RUNX1: variants seen among roughly 807,000 people sequenced by gnomAD.
The protein encoded by RUNX1 is RUNX family transcription factor 1, also known as runt-related transcription factor 1.
RUNX1 carries 19 observed loss-of-function variants against 42.8 expected under a neutral mutation model. That is an observed-to-expected ratio of 0.44 (90% CI 0.31 to 0.65). The LOEUF is 0.65. Among genes scored for constraint, RUNX1 ranks in the 30% least tolerant of loss-of-function variants. The pLI, the probability that RUNX1 is intolerant of heterozygous loss-of-function variation, is 0.07. For missense variants in RUNX1, 528 were observed against 672.0 expected (o/e 0.79, Z 2.37); for synonymous variants, 271 against 289.4 (o/e 0.94, Z 0.64).
intron 2 of RUNX1, among the ~76,000 whole-genome samples, chr21:34,900,948 G>A (rs2058172567): frequency 6.6e-6 from 1 of 152,094 alleles, no homozygotes; most frequent in South Asian, 2.1e-4. Context: ...GGTTTATTTT[G>A]AAATATAGCA....
Position 34,855,620 on chromosome 21 carries a change from G to A in RUNX1, c.613+3854C>T, listed in dbSNP as rs139584363. On this transcript the variant is annotated intron_variant, in intron 6 of 8. Transcript: ENST00000675419. ...CTCCAGAGGCTGAGGCGGGAGAATC[G>A]CTTGAACCTGGGAGTGGGGCAGAGG... is the stretch of plus-strand genomic sequence containing the variant. Among the ~76,000 whole-genome samples, 1,135 of 152,254 alleles carry A rather than the reference G, an allele frequency of 7.5e-3. 14 individuals carry two copies. Among genetic ancestry groups the A allele is most frequent in the African/African-American group, 0.026 (1,068 of 41,554 alleles).
chr21:34,890,745 AC>A (rs1786037203), intron 3 of RUNX1, among the ~76,000 whole-genome samples: 1 of 59,186 alleles, frequency 1.7e-5, no homozygotes, highest in Non-Finnish European at 3.2e-5. Context: ...CCCCGCCCAA[AC>A]GTCCACTTTC....
intron 2 of RUNX1, among the ~76,000 whole-genome samples, chr21:34,926,321 C>A (rs995261831): frequency 6.6e-6 from 1 of 151,230 alleles, no homozygotes; most frequent in Non-Finnish European, 1.5e-5. Context: ...CAAAAAAATA[C>A]AAAAATTAGC....
At position 34,889,846 on chromosome 21, in the gene RUNX1, C is replaced by T; in HGVS notation, c.98-2750G>A. 3.7e-6 allele frequency: 4 copies of T among 1,094,820 alleles called. No individual in the cohort carries two copies. The South Asian group carries it at 1.3e-4, about 36-fold the overall frequency. 67.8% of individuals were successfully genotyped at this position (1,094,820 alleles called of 1,614,324 possible). A position where few individuals can be genotyped will look rare whatever the true frequency, so the allele number is the denominator to read the frequency against. On this transcript the variant is annotated intron_variant, in intron 3 of 8. Transcript: ENST00000675419. ...GAGGCTGCTCCCGTCACCATGAGTC[C>T]CTCCACGCCCTCCCTGCCGGGCCCT... is the stretch of plus-strand genomic sequence containing the variant.
At position 34,834,518 on chromosome 21, in the gene RUNX1, G is replaced by T; in HGVS notation, c.697C>A (p.Arg233Ser). ...TGTGGGCTGACCCTCATGGCTGTGC[G>T]CCGCAGCTGCTCCAGTTCACTGAGC... ...ERLSELEQLR[R>S]TAMRVSPHHP... The change falls in exon 7 of 9, where the codon CGC becomes AGC. Residue 233 changes from arginine (R) to serine (S), a missense_variant. Arg to Ser is a moderately radical substitution (Grantham distance 110). Coordinates refer to ENST00000675419, the MANE Select transcript of RUNX1 (RefSeq NM_001754.5). 6.2e-7 allele frequency: 1 copy of T among 1,613,266 alleles called. No homozygotes were observed.
intron 6 of RUNX1, among the ~76,000 whole-genome samples, chr21:34,844,120 G>C (rs2057282776): frequency 6.6e-6 from 1 of 152,220 alleles, no homozygotes; most frequent in Non-Finnish European, 1.5e-5. Flanking sequence ...AGTAACCAGA[G>C]AGTGGTAACC....
intron 2 of RUNX1, among the ~76,000 whole-genome samples, chr21:35,043,346 G>A (rs1045441101): frequency 6.6e-6 from 1 of 152,184 alleles, no homozygotes; most frequent in Admixed American, 6.5e-5. Flanking sequence ...AGGAGCAGGG[G>A]AGGCCGAGAA....
At chr21:34,870,633 C>T (rs896383027) in intron 5 of RUNX1, among the ~76,000 whole-genome samples, 11 of 152,318 alleles carry the variant, frequency 7.2e-5, no homozygotes, top group African/African-American at 1.9e-4. Flanking sequence ...GTAAAGTCCA[C>T]GTGCTGACCA....
In RUNX1 at chr21:34,790,332, A is replaced by G. The variant is rs1241066741; in HGVS notation, c.*1803T>C. ...TAATTTGAATGCTTAAATTTATAAA[A>G]TAAAAATCAAACACTGTTCTGAAGT... On this transcript the variant is annotated 3_prime_UTR_variant, in exon 9 of 9. Coordinates refer to ENST00000675419, the MANE Select transcript of RUNX1 (RefSeq NM_001754.5). The G allele has an allele frequency of 8.6e-6, 2 of 233,552 alleles. No individual in the cohort carries two copies. The highest frequency in any genetic ancestry group is 1.7e-5 in the Non-Finnish European group (2 of 118,026). The allele number at this position is 233,552 out of a possible 1,614,324, so 14.5% of individuals were successfully genotyped here.
intron 6 of RUNX1, among the ~76,000 whole-genome samples, chr21:34,858,920 C>G (rs1273496888): frequency 6.6e-6 from 1 of 152,154 alleles, no homozygotes; most frequent in African/African-American, 2.4e-5. Flanking sequence ...TCTATATTTA[C>G]TGGTTTTCCC....
At chr21:35,038,894 C>G in intron 2 of RUNX1, 1 of 360,490 alleles carries the variant, frequency 2.8e-6, no homozygotes, top group Non-Finnish European at 5.6e-6. Context: ...TCAAATTTTG[C>G]CCTAGACCCT....
chr21:34,923,776 T>C (rs2058372317), intron 2 of RUNX1, among the ~76,000 whole-genome samples: 1 of 115,978 alleles, frequency 8.6e-6, no homozygotes, highest in Non-Finnish European at 1.7e-5. Context: ...CCTCTGGTTA[T>C]GTCCCTCACC....
intron 2 of RUNX1, among the ~76,000 whole-genome samples, chr21:35,031,570 T>A (rs1313963926): frequency 6.6e-6 from 1 of 152,194 alleles, no homozygotes; most frequent in Non-Finnish European, 1.5e-5. Context: ...TGCACTGTCA[T>A]GTTCATAGTG....
chr21:34,905,092 A>G (rs1473962993), intron 2 of RUNX1, among the ~76,000 whole-genome samples: 1 of 152,198 alleles, frequency 6.6e-6, no homozygotes, highest in Non-Finnish European at 1.5e-5. Context: ...GCTGAATGAT[A>G]GACACATAGT....
chr21:34,825,657 T>G (rs922958341), intron 7 of RUNX1, among the ~76,000 whole-genome samples: 3 of 152,208 alleles, frequency 2.0e-5, no homozygotes, highest in Non-Finnish European at 4.4e-5. Context: ...TGATGTCCCC[T>G]GTCTTTTGTA....
chr21:34,840,269 C>A (rs1429022108), intron 6 of RUNX1, among the ~76,000 whole-genome samples: 1 of 152,198 alleles, frequency 6.6e-6, no homozygotes, highest in Non-Finnish European at 1.5e-5. Context: ...GCCCACAGGA[C>A]CGGGTGTTAA....
intron 2 of RUNX1, among the ~76,000 whole-genome samples, chr21:35,003,519 CTTT>C (rs58218340): frequency 3.5e-5 from 5 of 141,730 alleles, no homozygotes; most frequent in Non-Finnish European, 6.1e-5. Context: ...GAAAAGCTGT[CTTT>C]TTTTTTTTAA....
chr21:34,887,252 CGGGGGTGGTTAGGGGA>C, intron 3 of RUNX1, 156 bp from the exon 4 acceptor site: 1 of 277,028 alleles, frequency 3.6e-6, no homozygotes, highest in Non-Finnish European at 4.4e-6. Context: ...TGGGGGGGGG[CGGGGGTGGTTAGGGGA>C]GGAGGGAGAC....
At chr21:34,879,645 G>A (rs1475289519) in intron 5 of RUNX1, among the ~76,000 whole-genome samples, 3 of 151,844 alleles carry the variant, frequency 2.0e-5, no homozygotes, top group Non-Finnish European at 4.4e-5. Context: ...TAACTTATTT[G>A]TAAGCTTAAT....
Sources: gnomAD v4.1 joint callset for allele counts (sites outside exome capture counted in the v4.1 genomes callset) on GRCh38, gnomAD v4.1.1 for gene constraint, MANE v1.5 for transcripts, NCBI Gene and HGNC (gene_info 2026-07-23, HGNC 2026-07-21) for gene names.